The following PRIM2 variants were observed in gnomAD, a reference collection of about 807,000 sequenced individuals.
The protein encoded by PRIM2 is DNA primase subunit 2.
Under a neutral mutation model 67.3 loss-of-function variants are expected in PRIM2, and 39 were observed. That is an observed-to-expected ratio of 0.58 (90% CI 0.45 to 0.76). The LOEUF (loss-of-function observed/expected upper bound fraction) is 0.76. Among genes scored for constraint, PRIM2 ranks in the 30% least tolerant of loss-of-function variants. The pLI is 0.00. For synonymous variants in PRIM2, 143 were observed against 198.7 expected, an observed-to-expected ratio of 0.72 and a Z score of 2.36; for missense variants, 398 against 598.7, an observed-to-expected ratio of 0.66 and a Z score of 3.50.
At chr6:57,363,869 T>C (rs1769271497) in intron 5 of PRIM2, among the ~76,000 whole-genome samples, 1 of 152,198 alleles carries the variant, frequency 6.6e-6, no homozygotes, top group African/African-American at 2.4e-5. Flanking sequence ...TTCTCCTCTC[T>C]GTCTGGTGTG....
chr6:57,601,307 T>C (rs1776459719), intron 11 of PRIM2, 88 bp downstream of exon 11: 2 of 1,396,118 alleles, frequency 1.4e-6, no homozygotes, highest in Non-Finnish European at 9.6e-7. Flanking sequence ...GCTTTTTGCA[T>C]TCCTGTCAGG....
intron 12 of PRIM2, among the ~76,000 whole-genome samples, chr6:57,612,163 A>C (rs1356205299): frequency 6.6e-6 from 1 of 152,178 alleles, no homozygotes; most frequent in East Asian, 1.9e-4. Flanking sequence ...AGTCACTTTG[A>C]AAAGGAGTGT....
At chr6:57,616,587 A>C (rs1776761783) in intron 12 of PRIM2, among the ~76,000 whole-genome samples, 1 of 152,204 alleles carries the variant, frequency 6.6e-6, no homozygotes, top group African/African-American at 2.4e-5. Context: ...AAAGATGAGA[A>C]TAATTCAGAA....
the PRIM2 span, among the ~76,000 whole-genome samples, chr6:57,304,819 G>C: frequency 1.1e-4 from 17 of 152,152 alleles, no homozygotes; most frequent in African/African-American, 4.1e-4. Flanking sequence ...ACTACTCCTA[G>C]GGCACTGACC....
intron 9 of PRIM2, among the ~76,000 whole-genome samples, chr6:57,535,928 T>G (rs1774992785): frequency 6.6e-6 from 1 of 152,124 alleles, no homozygotes; most frequent in African/African-American, 2.4e-5. Context: ...AAACCTTGCA[T>G]GTTCATACTA....
intron 10 of PRIM2, chr6:57,586,904 A>G (rs1776198379): frequency 6.6e-6 from 1 of 152,216 alleles, no homozygotes. Flanking sequence ...AAGGCTGTGA[A>G]CCTTAAAGGC....
At chr6:57,379,000 G>T (rs1769868147) in intron 5 of PRIM2, among the ~76,000 whole-genome samples, 1 of 126,626 alleles carries the variant, frequency 7.9e-6, no homozygotes, top group Middle Eastern at 3.7e-3. Context: ...TTATTTACTT[G>T]TGATTAATCT....
intron 7 of PRIM2, among the ~76,000 whole-genome samples, chr6:57,487,181 G>T (rs1363596499): frequency 6.6e-6 from 1 of 152,110 alleles, no homozygotes. Flanking sequence ...ATAAGCACTC[G>T]ATTTTGAATT....
chr6:57,608,696 G>T (rs1194930839), intron 12 of PRIM2, among the ~76,000 whole-genome samples: 1 of 150,424 alleles, frequency 6.6e-6, no homozygotes, highest in Non-Finnish European at 1.5e-5. Context: ...ATTGGCAATG[G>T]AGTGAGACCC....
chr6:57,307,543 T>G, the PRIM2 span, among the ~76,000 whole-genome samples: 2 of 152,066 alleles, frequency 1.3e-5, no homozygotes, highest in Non-Finnish European at 2.9e-5. Context: ...TGGCCAAGGA[T>G]GGTTTTTTTT....
At chr6:57,337,764 A>G (rs1036329585) in intron 5 of PRIM2, among the ~76,000 whole-genome samples, 1 of 152,254 alleles carries the variant, frequency 6.6e-6, no homozygotes, top group African/African-American at 2.4e-5. Flanking sequence ...AGCAGGAAAG[A>G]TCCAAAGTTG....
chr6:57,392,589 T>C (rs1770389194), intron 7 of PRIM2, among the ~76,000 whole-genome samples: 1 of 151,542 alleles, frequency 6.6e-6, no homozygotes, highest in South Asian at 2.1e-4. Context: ...ATAGTTTTCA[T>C]GGAATAGAAG....
At chr6:57,296,936 G>C in the PRIM2 span, among the ~76,000 whole-genome samples, 1 of 151,952 alleles carries the variant, frequency 6.6e-6, no homozygotes, top group Non-Finnish European at 1.5e-5. Context: ...AGCCACCTGA[G>C]GGAACTCCCA....
chr6:57,398,121 A>T (rs1363055355), intron 7 of PRIM2, among the ~76,000 whole-genome samples: 1 of 151,452 alleles, frequency 6.6e-6, no homozygotes, highest in Non-Finnish European at 1.5e-5. Context: ...CACCACACCC[A>T]GGTAATTTTT....
At chr6:57,529,982 G>A (rs1774852114) in intron 8 of PRIM2, among the ~76,000 whole-genome samples, 1 of 151,958 alleles carries the variant, frequency 6.6e-6, no homozygotes, top group African/African-American at 2.4e-5. Context: ...GGCTGAGTGT[G>A]TTAACATGCC....
At chr6:57,441,266 T>C (rs1772195555) in intron 7 of PRIM2, among the ~76,000 whole-genome samples, 1 of 152,234 alleles carries the variant, frequency 6.6e-6, no homozygotes. Context: ...CTATGACTTG[T>C]TCATTCTGCC....
At chr6:57,428,279 A>C (rs2127377236) in intron 7 of PRIM2, among the ~76,000 whole-genome samples, 1 of 152,352 alleles carries the variant, frequency 6.6e-6, no homozygotes, top group Non-Finnish European at 1.5e-5. Context: ...ATGAATCAAT[A>C]TCAAGTTGTA....
At chr6:57,634,007 A>G (rs1180457462) in intron 13 of PRIM2, among the ~76,000 whole-genome samples, 34 of 152,326 alleles carry the variant, frequency 2.2e-4, no homozygotes, top group Non-Finnish European at 4.1e-4. Context: ...ACAGCAAGAT[A>G]CTATATGTAT....
At chr6:57,476,915 A>G (rs1242353404) in intron 7 of PRIM2, among the ~76,000 whole-genome samples, 1 of 151,646 alleles carries the variant, frequency 6.6e-6, no homozygotes, top group Non-Finnish European at 1.5e-5. Context: ...GCCCAGCCTC[A>G]TTATGTGATT....
Sources: gnomAD v4.1 joint callset for allele counts (sites outside exome capture counted in the v4.1 genomes callset) on GRCh38, gnomAD v4.1.1 for gene constraint, MANE v1.5 for transcripts, NCBI Gene and HGNC (gene_info 2026-07-23, HGNC 2026-07-21) for gene names.